NEK1: variants seen among roughly 807,000 people sequenced by gnomAD.
NEK1 encodes serine/threonine-protein kinase Nek1.
Under a neutral mutation model 182.1 loss-of-function variants are expected in NEK1, and 137 were observed. The observed-to-expected ratio is 0.75, with a 90% CI of 0.65 to 0.87. The LOEUF is 0.87. NEK1 is among the 40% of genes least tolerant of loss of function. NEK1 has a pLI of 0.00. For synonymous variants in NEK1, 513 were observed against 492.2 expected (o/e 1.04, Z -0.56); for missense variants, 1,391 against 1,494.4 (o/e 0.93, Z 1.14).
intron 19 of NEK1, among the ~76,000 whole-genome samples, chr4:169,531,537 C>T (rs766006996): frequency 1.3e-4 from 19 of 150,906 alleles, no homozygotes; most frequent in Admixed American, 7.3e-4. Context: ...AGGAGAGTAC[C>T]GGTAAAGAAG....
intron 2 of NEK1, among the ~76,000 whole-genome samples, chr4:169,606,776 T>C (rs911454666): frequency 6.6e-6 from 1 of 152,222 alleles, no homozygotes; most frequent in African/African-American, 2.4e-5. Context: ...ATGGTGTTCT[T>C]AGTATCAGAT....
At chr4:169,540,872 T>TA (rs1759290873) in intron 18 of NEK1, among the ~76,000 whole-genome samples, 1 of 142,532 alleles carries the variant, frequency 7.0e-6, no homozygotes, top group African/African-American at 2.6e-5. Flanking sequence ...CAAACTTTCC[T>TA]TTTTTTTTTT....
At chr4:169,513,868 C>T (rs1754611253) in intron 19 of NEK1, among the ~76,000 whole-genome samples, 1 of 151,922 alleles carries the variant, frequency 6.6e-6, no homozygotes, top group Admixed American at 6.6e-5. Context: ...TGGTGAATCA[C>T]ATTGATTTTT....
chr4:169,528,317 C>T (rs910958654), intron 19 of NEK1, among the ~76,000 whole-genome samples: 2 of 152,110 alleles, frequency 1.3e-5, no homozygotes, highest in African/African-American at 4.8e-5. Context: ...TTGAAGAGGC[C>T]CATGTGTCAA....
intron 12 of NEK1, among the ~76,000 whole-genome samples, chr4:169,570,436 G>A (rs796965214): frequency 4.0e-5 from 6 of 150,820 alleles, no homozygotes; most frequent in Admixed American, 1.3e-4. Flanking sequence ...CAGGCCAGCC[G>A]CCCAGTCTGG....
chr4:169,562,886 T>G (rs185563667), intron 12 of NEK1, among the ~76,000 whole-genome samples: 2 of 152,326 alleles, frequency 1.3e-5, no homozygotes, highest in Admixed American at 1.3e-4. Context: ...GGGTTGTTAA[T>G]GGACTCATAC....
At chr4:169,538,448 AAC>A (rs941959306) in intron 18 of NEK1, among the ~76,000 whole-genome samples, 2 of 150,240 alleles carry the variant, frequency 1.3e-5, no homozygotes, top group Admixed American at 1.3e-4. Flanking sequence ...AAAGATTAAA[AAC>A]AGTTATTTGT....
At chr4:169,592,638 A>G (rs1768716972) in intron 5 of NEK1, among the ~76,000 whole-genome samples, 1 of 152,074 alleles carries the variant, frequency 6.6e-6, no homozygotes, top group African/African-American at 2.4e-5. Context: ...AGGGAATGAA[A>G]GGTAACATGT....
At chr4:169,433,803 T>C (rs1036519942) in intron 28 of NEK1, 138 bp from the exon 29 acceptor site, 4 of 804,278 alleles carry the variant, frequency 5.0e-6, no homozygotes, top group Non-Finnish European at 7.7e-6. Context: ...GTATTCTCTC[T>C]ATAGGGTTTA....
intron 19 of NEK1, among the ~76,000 whole-genome samples, chr4:169,533,291 C>T (rs1757962349): frequency 6.6e-6 from 1 of 152,204 alleles, no homozygotes; most frequent in East Asian, 1.9e-4. Flanking sequence ...TCCCACTCAT[C>T]CTTCACTCTC....
chr4:169,574,571 C>A (rs1362083560), intron 12 of NEK1, among the ~76,000 whole-genome samples: 1 of 150,006 alleles, frequency 6.7e-6, no homozygotes, highest in East Asian at 2.0e-4. Context: ...TGTGCCACTG[C>A]ACTCCAGCCT....
At chr4:169,398,031 G>C (rs943415392) in intron 35 of NEK1, among the ~76,000 whole-genome samples, 1 of 152,112 alleles carries the variant, frequency 6.6e-6, no homozygotes, top group Non-Finnish European at 1.5e-5. Flanking sequence ...CTCTGGCTTC[G>C]TGCCATTAAC....
intron 23 of NEK1, among the ~76,000 whole-genome samples, chr4:169,486,074 TC>T (rs5863999): frequency 0.19 from 29,283 of 151,716 alleles, 4,222 homozygotes; most frequent in African/African-American, 0.41. Flanking sequence ...CAAAGCACAG[TC>T]TTTCAAAGTT....
chr4:169,563,868 T>C (rs1763300697), intron 12 of NEK1, among the ~76,000 whole-genome samples: 1 of 152,242 alleles, frequency 6.6e-6, no homozygotes, highest in Non-Finnish European at 1.5e-5. Flanking sequence ...AATCTGCTAA[T>C]GCAGTAAAAT....
At chr4:169,494,200 T>C (rs1214795893) in intron 23 of NEK1, among the ~76,000 whole-genome samples, 2 of 152,130 alleles carry the variant, frequency 1.3e-5, no homozygotes, top group Admixed American at 1.3e-4. Context: ...CTGCACCCAT[T>C]AACTCGTCAT....
At position 169,602,655 on chromosome 4, in the gene NEK1, C is replaced by A; in HGVS notation, c.-25G>T. 8.0e-7 allele frequency: 1 copy of A among 1,243,678 alleles called. No homozygotes were observed. Among genetic ancestry groups the A allele is most frequent in the Non-Finnish European group, 1.2e-6 (1 of 847,482 alleles). The allele number at this position is 1,243,678 out of a possible 1,614,324, so 77.0% of individuals were successfully genotyped here. A position where few individuals can be genotyped will look rare whatever the true frequency, so the allele number is the denominator to read the frequency against. ...TGATTCTTTTTCTAAGGCATCTTTA[C>A]AGATATGCTAGACATTTAAAAAACT... On this transcript the variant is annotated 5_prime_UTR_variant, in exon 3 of 36. Coordinates refer to ENST00000507142, the MANE Select transcript of NEK1 (RefSeq NM_001199397.3).
intron 12 of NEK1, among the ~76,000 whole-genome samples, chr4:169,562,405 A>G (rs1763054263): frequency 6.6e-6 from 1 of 152,082 alleles, no homozygotes; most frequent in South Asian, 2.1e-4. Flanking sequence ...ACTGTGGAAA[A>G]GGGTCCTTCC....
intron 18 of NEK1, among the ~76,000 whole-genome samples, chr4:169,548,244 T>C (rs1221064085): frequency 6.6e-6 from 1 of 152,170 alleles, no homozygotes; most frequent in Non-Finnish European, 1.5e-5. Context: ...TCTGCTGGAA[T>C]TTGCTAGAGG....
chr4:169,547,809 T>C (rs1760769887), intron 18 of NEK1, among the ~76,000 whole-genome samples: 1 of 152,246 alleles, frequency 6.6e-6, no homozygotes, highest in Non-Finnish European at 1.5e-5. Context: ...TGCAGTGTTT[T>C]TCAGCTCCAT....
Sources: gnomAD v4.1 joint callset for allele counts (sites outside exome capture counted in the v4.1 genomes callset) on GRCh38, gnomAD v4.1.1 for gene constraint, MANE v1.5 for transcripts, NCBI Gene and HGNC (gene_info 2026-07-23, HGNC 2026-07-21) for gene names.